Variants in ACADL observed in about 807,000 individuals in gnomAD.
ACADL encodes acyl-CoA dehydrogenase long chain, also known as long-chain specific acyl-CoA dehydrogenase, mitochondrial.
A neutral mutation model predicts 56.9 loss-of-function variants in ACADL; 60 were observed. The observed-to-expected ratio is 1.05, with a 90% CI of 0.86 to 1.31. The LOEUF (loss-of-function observed/expected upper bound fraction) is 1.31. Ranked by LOEUF, ACADL falls within the 50% of genes most tolerant of loss-of-function variation. The pLI is 0.00. For missense variants in ACADL, 484 were observed against 525.5 expected (o/e 0.92, Z 0.77); for synonymous variants, 158 against 179.7 (o/e 0.88, Z 0.97).
rs935749902 is a variant in ACADL at position 210,187,976 on chromosome 2, TGTC to T, written c.*982_*984del. The T allele has an allele frequency of 3.3e-5, 5 of 152,230 alleles. No individual in the cohort carries two copies. The highest frequency in any genetic ancestry group is 7.3e-5 in the Non-Finnish European group (5 of 68,038). 9.4% of individuals were successfully genotyped at this position (152,230 alleles called of 1,614,324 possible). On this transcript the variant is annotated 3_prime_UTR_variant, in exon 11 of 11. Coordinates refer to ENST00000233710, the MANE Select transcript of ACADL (RefSeq NM_001608.4). ...AATTACTTTTAAGTCTTAAATCAAA[TGTC>T]ATTTCCTCACTTTTGAATTTTAAAT...
chr2:210,217,865 T>G, intron 3 of ACADL, 100 bp downstream of exon 3: 1 of 1,478,354 alleles, frequency 6.8e-7, no homozygotes, highest in Non-Finnish European at 9.4e-7. Flanking sequence ...CTTCCAAGAT[T>G]AGAAAACATT....
chr2:210,217,794 A>T, intron 3 of ACADL, 171 bp downstream of exon 3: 2 of 772,606 alleles, frequency 2.6e-6, no homozygotes, highest in Non-Finnish European at 4.0e-6. Context: ...TCCCACATTC[A>T]AAAAATGTGC....
chr2:210,218,332 G>A, intron 2 of ACADL: 1 of 444,796 alleles, frequency 2.2e-6, no homozygotes. Flanking sequence ...CCAGGCTGGT[G>A]TGCAGTGGCA....
chr2:210,222,794 G>A (rs1410665863), intron 1 of ACADL, among the ~76,000 whole-genome samples: 1 of 152,232 alleles, frequency 6.6e-6, no homozygotes, highest in African/African-American at 2.4e-5. Flanking sequence ...ACCAGGACAT[G>A]CAGGGGACCT....
chr2:210,220,361 A>G (rs552487567), intron 2 of ACADL, among the ~76,000 whole-genome samples: 43 of 152,258 alleles, frequency 2.8e-4, no homozygotes, highest in Non-Finnish European at 4.0e-4. Context: ...AAAGACTATG[A>G]AATTGACTAG....
chr2:210,206,428 C>G (rs1473786543), intron 5 of ACADL, among the ~76,000 whole-genome samples: 2 of 151,390 alleles, frequency 1.3e-5, no homozygotes, highest in African/African-American at 4.9e-5. Flanking sequence ...GAGACCCTGT[C>G]TCTAGAAAAA....
At chr2:210,217,306 G>A (rs1689102942) in intron 3 of ACADL, among the ~76,000 whole-genome samples, 1 of 151,998 alleles carries the variant, frequency 6.6e-6, no homozygotes, top group South Asian at 2.1e-4. Context: ...CAAAGAGCAG[G>A]AACATATTTT....
intron 8 of ACADL, 63 bp from the exon 9 acceptor site, chr2:210,195,401 TTAACA>T: frequency 1.3e-6 from 2 of 1,500,526 alleles, no homozygotes; most frequent in Non-Finnish European, 1.9e-6. Flanking sequence ...TTCAACCCAC[TTAACA>T]TATCAGAAAT....
Position 210,216,407 on chromosome 2 carries a change from G to A in ACADL, c.476C>T (p.Pro159Leu). 1 of 1,613,826 alleles carries A rather than the reference G, an allele frequency of 6.2e-7. No homozygotes were observed. The highest frequency in any genetic ancestry group is 8.5e-7 in the Non-Finnish European group (1 of 1,179,848). The change falls in exon 4 of 11, where the codon CCC becomes CTC. Residue 159 changes from proline (P) to leucine (L), a missense_variant. Physicochemically the swap from Pro to Leu is moderately conservative, Grantham distance 98. Transcript: ENST00000233710. ...AATACATTTGCCTGCAGTCATCTGG[G>A]GAATAAAGTGCTTAATCTGTTCTTC... The part of the protein sequence containing the change: ...GSEEQIKHFI[P>L]QMTAGKCIGA...
intron 4 of ACADL, among the ~76,000 whole-genome samples, chr2:210,213,460 A>G (rs1460046721): frequency 2.6e-5 from 4 of 152,024 alleles, no homozygotes; most frequent in African/African-American, 7.3e-5. Flanking sequence ...AGATCGCGCC[A>G]TTGCACTCCA....
chr2:210,216,359 G>A lies in ACADL; in HGVS notation c.524C>T (p.Pro175Leu), dbSNP rs1254219771. 1.9e-6 allele frequency: 3 copies of A among 1,613,626 alleles called. No homozygotes were observed. The East Asian group carries it at 6.7e-5, about 36-fold the overall frequency. ...KCIGAIAMTE[P>L]GAGSDLQGIK... ...AATATTAACTTACCTTCCAGCTCCA[G>A]GCTCTGTCATTGCTATTGCACCAAT... Residue 175 changes from proline to leucine, a missense_variant, in exon 4 of 11, where the codon CCT becomes CTT. By Grantham distance (98) the Pro-to-Leu change is moderately conservative. Coordinates refer to ENST00000233710, the MANE Select transcript of ACADL (RefSeq NM_001608.4).
intron 4 of ACADL, among the ~76,000 whole-genome samples, chr2:210,214,467 A>AAAAGAAAAAGAAAGAAAG (rs1553690973): frequency 1.6e-5 from 2 of 122,336 alleles, no homozygotes; most frequent in Non-Finnish European, 3.3e-5. Context: ...GACCTTCCAA[A>AAAAGAAAAAGAAAGAAAG]AAAGAAAGAA....
chr2:210,215,389 C>T (rs562021340), intron 4 of ACADL, among the ~76,000 whole-genome samples: 3 of 152,294 alleles, frequency 2.0e-5, no homozygotes, highest in Admixed American at 2.0e-4. Context: ...GTGGCCTTGA[C>T]ATTACTAACT....
chr2:210,196,065 C>A (rs1415998328), intron 8 of ACADL, among the ~76,000 whole-genome samples: 1 of 152,078 alleles, frequency 6.6e-6, no homozygotes, highest in African/African-American at 2.4e-5. Flanking sequence ...ATAATTGAAT[C>A]ATGGGGGTGG....
intron 4 of ACADL, among the ~76,000 whole-genome samples, chr2:210,211,699 T>C (rs912371629): frequency 6.6e-6 from 1 of 152,226 alleles, no homozygotes; most frequent in South Asian, 2.1e-4. Flanking sequence ...CCATGCTTCC[T>C]ATACAGCTGG....
chr2:210,201,124 G>A (rs760754080), intron 8 of ACADL, among the ~76,000 whole-genome samples: 3 of 152,192 alleles, frequency 2.0e-5, no homozygotes, highest in Non-Finnish European at 4.4e-5. Context: ...GCCTCGGGAA[G>A]TTCACACTGT....
At chr2:210,209,729 C>T (rs1688947751) in intron 5 of ACADL, 1 of 156,364 alleles carries the variant, frequency 6.4e-6, no homozygotes, top group African/African-American at 2.4e-5. Flanking sequence ...TCTCAAACTT[C>T]TGGGCTCAAG....
chr2:210,213,694 A>T (rs1689027262), intron 4 of ACADL, among the ~76,000 whole-genome samples: 1 of 152,180 alleles, frequency 6.6e-6, no homozygotes, highest in African/African-American at 2.4e-5. Context: ...AATTTCATTG[A>T]TAAGAGACAT....
At chr2:210,198,494 A>T (rs1424952767) in intron 8 of ACADL, among the ~76,000 whole-genome samples, 1 of 152,148 alleles carries the variant, frequency 6.6e-6, no homozygotes, top group Admixed American at 6.6e-5. Flanking sequence ...CCACACAGGA[A>T]ATGACTAACC....
Sources: gnomAD v4.1 joint callset for allele counts (sites outside exome capture counted in the v4.1 genomes callset) on GRCh38, gnomAD v4.1.1 for gene constraint, MANE v1.5 for transcripts, NCBI Gene and HGNC (gene_info 2026-07-23, HGNC 2026-07-21) for gene names.